GULP1: variants seen among roughly 807,000 people sequenced by gnomAD.
The protein encoded by GULP1 is PTB domain-containing engulfment adapter protein 1.
Under a neutral mutation model 40.9 loss-of-function variants are expected in GULP1, and 19 were observed. That is an observed-to-expected ratio of 0.46 (90% CI 0.32 to 0.68). The LOEUF is 0.68. GULP1 is among the 30% of genes least tolerant of loss of function. The pLI is 0.03. For missense variants in GULP1, 312 were observed against 362.2 expected (o/e 0.86, Z 1.12); for synonymous variants, 119 against 117.6 (o/e 1.01, Z -0.08).
chr2:188,361,469 G>A (rs1279407007), intron 1 of GULP1, among the ~76,000 whole-genome samples: 1 of 152,052 alleles, frequency 6.6e-6, no homozygotes, highest in South Asian at 2.1e-4. Context: ...AGATCTATAG[G>A]TCTGTAAGTG....
chr2:188,538,967 G>A (rs1038775725), intron 6 of GULP1, among the ~76,000 whole-genome samples: 4 of 151,854 alleles, frequency 2.6e-5, no homozygotes, highest in Non-Finnish European at 5.9e-5. Flanking sequence ...ATCTAACATG[G>A]ACTGTCTTTA....
At chr2:188,482,201 C>T (rs1455299320) in intron 3 of GULP1, among the ~76,000 whole-genome samples, 2 of 151,964 alleles carry the variant, frequency 1.3e-5, no homozygotes, top group African/African-American at 2.4e-5. Flanking sequence ...AATATGAATA[C>T]AGTGCATTAT....
At chr2:188,470,462 T>C (rs1488604541) in intron 2 of GULP1, among the ~76,000 whole-genome samples, 1 of 152,120 alleles carries the variant, frequency 6.6e-6, no homozygotes, top group Non-Finnish European at 1.5e-5. Flanking sequence ...ATTTTGAGTT[T>C]GGGTTGCTCT....
At chr2:188,460,998 A>G (rs757128739) in intron 2 of GULP1, among the ~76,000 whole-genome samples, 3 of 152,214 alleles carry the variant, frequency 2.0e-5, no homozygotes, top group Non-Finnish European at 4.4e-5. Context: ...CTTGGTCATG[A>G]TGAATAATCT....
rs113918589 is a variant in GULP1 at position 188,499,171 on chromosome 2, G to C, written c.90+15679G>C. Among the ~76,000 whole-genome samples the C allele has an allele frequency of 3.6e-3, 385 of 105,540 alleles. 3 individuals carry two copies. Among genetic ancestry groups the C allele is most frequent in the African/African-American group, 0.013 (365 of 27,150 alleles). The allele number at this position is 105,540 out of a possible 152,430, so 69.2% of individuals were successfully genotyped here. ...TATATATATATATATATATATATAT[G>C]AACTCTGCATTTACTGTATCTTACA... On this transcript the variant is annotated intron_variant, in intron 4 of 11. Coordinates refer to ENST00000409830, the MANE Select transcript of GULP1 (RefSeq NM_016315.4).
intron 1 of GULP1, among the ~76,000 whole-genome samples, chr2:188,341,765 T>G (rs2043000878): frequency 6.6e-6 from 1 of 152,208 alleles, no homozygotes; most frequent in Non-Finnish European, 1.5e-5. Flanking sequence ...AATTAAAGAT[T>G]GCTTTTTTTT....
chr2:188,553,813 C>T (rs900590901), intron 7 of GULP1, among the ~76,000 whole-genome samples: 6 of 151,962 alleles, frequency 3.9e-5, no homozygotes, highest in Non-Finnish European at 1.5e-5. Context: ...GTTTTTATTA[C>T]TGATTCAATA....
chr2:188,541,317 G>C lies in GULP1; in HGVS notation c.398G>C (p.Cys133Ser), dbSNP rs1690420062. Reference protein sequence around the residue: ...HLCYVFDSEKCAEEITLTIGQ... With the variant: ...HLCYVFDSEKSAEEITLTIGQ... ...TGCTATGTATTTGACAGCGAAAAGTGTGTAAGTATCCCAGATGTTGTAGGG... is the reference window on the plus strand; with the variant it reads ...TGCTATGTATTTGACAGCGAAAAGTCTGTAAGTATCCCAGATGTTGTAGGG... The change falls in exon 7 of 12, where the codon TGT becomes TCT. Residue 133 changes from cysteine (C) to serine (S), a missense_variant and splice_region_variant. Cys to Ser is a moderately radical substitution (Grantham distance 112, BLOSUM62 -1). Coordinates refer to ENST00000409830, the MANE Select transcript of GULP1 (RefSeq NM_016315.4). 1 of 1,612,980 alleles carries C rather than the reference G, an allele frequency of 6.2e-7. No individual in the cohort carries two copies. Among genetic ancestry groups the C allele is most frequent in the Non-Finnish European group, 8.5e-7 (1 of 1,179,038 alleles).
At chr2:188,513,094 A>C (rs2064765430) in intron 4 of GULP1, among the ~76,000 whole-genome samples, 1 of 152,090 alleles carries the variant, frequency 6.6e-6, no homozygotes, top group Non-Finnish European at 1.5e-5. Flanking sequence ...CATGGGGTGG[A>C]GTATTTATGT....
chr2:188,418,975 A>G (rs1364259526), intron 2 of GULP1, among the ~76,000 whole-genome samples: 2 of 152,152 alleles, frequency 1.3e-5, no homozygotes, highest in Non-Finnish European at 2.9e-5. Flanking sequence ...ATTATGTAGG[A>G]TTTGTGTATC....
At chr2:188,346,649 C>G (rs986508335) in intron 1 of GULP1, among the ~76,000 whole-genome samples, 1 of 151,530 alleles carries the variant, frequency 6.6e-6, no homozygotes, top group Admixed American at 6.6e-5. Context: ...CCGGCCACCA[C>G]GCCCGGCTAA....
intron 2 of GULP1, among the ~76,000 whole-genome samples, chr2:188,417,814 A>G (rs1054916154): frequency 6.6e-6 from 1 of 152,052 alleles, no homozygotes; most frequent in Admixed American, 6.6e-5. Context: ...ATTTTTTGAA[A>G]CAGAGTCTCA....
chr2:188,367,652 C>A lies in GULP1; in HGVS notation c.-171-16111C>A, dbSNP rs2046985650. The stretch of plus-strand genomic sequence containing the variant: ...ATTCTAGGAACTCAGAAACAGGTAT[C>A]AAGATAGAAACGGTTACATACTGAA... On this transcript the variant is annotated intron_variant, in intron 1 of 11. Transcript: ENST00000409830. 3.3e-5 allele frequency among the ~76,000 whole-genome samples: 5 copies of A among 152,046 alleles called. No individual in the cohort carries two copies. In the South Asian group the frequency reaches 1.0e-3, roughly 32 times the overall value.
chr2:188,503,337 T>A (rs1457857124), intron 4 of GULP1, among the ~76,000 whole-genome samples: 1 of 151,828 alleles, frequency 6.6e-6, no homozygotes, highest in Non-Finnish European at 1.5e-5. Flanking sequence ...CAGTTCTGTA[T>A]GGATGGGGAG....
chr2:188,392,040 A>G (rs947279153), intron 2 of GULP1, among the ~76,000 whole-genome samples: 5 of 151,938 alleles, frequency 3.3e-5, no homozygotes, highest in Non-Finnish European at 7.4e-5. Flanking sequence ...TTTTGCATCT[A>G]TGTTCATCAG....
intron 1 of GULP1, among the ~76,000 whole-genome samples, chr2:188,375,220 A>G (rs2048147751): frequency 1.3e-5 from 2 of 152,180 alleles, no homozygotes; most frequent in South Asian, 2.1e-4. Context: ...TTTGAGTGAA[A>G]TTATATCCAA....
intron 2 of GULP1, among the ~76,000 whole-genome samples, chr2:188,421,144 T>C (rs1306518648): frequency 2.0e-5 from 3 of 152,152 alleles, no homozygotes; most frequent in Non-Finnish European, 4.4e-5. Context: ...TGATCCTATA[T>C]GTAGAAAACT....
intron 1 of GULP1, among the ~76,000 whole-genome samples, chr2:188,342,349 A>G (rs1305508784): frequency 6.6e-6 from 1 of 152,058 alleles, no homozygotes; most frequent in Non-Finnish European, 1.5e-5. Context: ...ATCTTTGTCT[A>G]TACCTTCACA....
intron 2 of GULP1, among the ~76,000 whole-genome samples, chr2:188,444,819 A>G (rs2058243778): frequency 6.6e-6 from 1 of 152,196 alleles, no homozygotes; most frequent in South Asian, 2.1e-4. Flanking sequence ...GTGAAGCTTT[A>G]GACAGAGTTT....
Sources: gnomAD v4.1 joint callset for allele counts (sites outside exome capture counted in the v4.1 genomes callset) on GRCh38, gnomAD v4.1.1 for gene constraint, MANE v1.5 for transcripts, NCBI Gene and HGNC (gene_info 2026-07-23, HGNC 2026-07-21) for gene names.